Variants in PLPP1 observed in about 807,000 individuals in gnomAD.
PLPP1 encodes phospholipid phosphatase 1, also known as lipid phosphate phosphohydrolase 1a.
Under a neutral mutation model 31.2 loss-of-function variants are expected in PLPP1, and 24 were observed. The observed-to-expected ratio is 0.77, with a 90% confidence interval of 0.56 to 1.08. The LOEUF (loss-of-function observed/expected upper bound fraction) is 1.08, where lower values mean the gene tolerates loss of function less well. Among genes scored for constraint, PLPP1 ranks in the 50% least tolerant of loss-of-function variants. PLPP1 has a pLI of 0.00. For missense variants in PLPP1, 319 were observed against 342.7 expected (o/e 0.93, Z 0.55); for synonymous variants, 146 against 126.3 (o/e 1.16, Z -1.05).
At chr5:55,441,802 A>C (rs1204494432) in intron 4 of PLPP1, 49 bp downstream of exon 4, 1 of 1,559,416 alleles carries the variant, frequency 6.4e-7, no homozygotes, top group South Asian at 1.1e-5. Context: ...TGAGCACATT[A>C]ATTCCATGCA....
At chr5:55,426,360 TATA>T (rs1349919961) in intron 4 of PLPP1, among the ~76,000 whole-genome samples, 1 of 152,198 alleles carries the variant, frequency 6.6e-6, no homozygotes, top group Non-Finnish European at 1.5e-5. Context: ...CAATTTGGGT[TATA>T]ATTCTCATAG....
chr5:55,443,192 A>AAATATATATATATATATAT, intron 3 of PLPP1, among the ~76,000 whole-genome samples: 1 of 25,444 alleles, frequency 3.9e-5, no homozygotes, highest in Non-Finnish European at 8.6e-5. Context: ...AAAAAAAAAA[A>AAATATATATATATATATAT]ATATATATAT....
In PLPP1 at chr5:55,424,865, C is replaced by A. The variant is rs917420336; in HGVS notation, c.*341G>T. ...CCTGCAAGTGTGGATTTGGTTCTCC[C>A]ATACATTTTAATATGTATTATATTT... On this transcript the variant is annotated 3_prime_UTR_variant, in exon 6 of 6. Coordinates refer to ENST00000307259, the MANE Select transcript of PLPP1 (RefSeq NM_003711.4). The A allele has an allele frequency of 1.6e-4, 138 of 874,094 alleles. No homozygotes were observed. Among genetic ancestry groups the A allele is most frequent in the Middle Eastern group, 1.5e-3 (7 of 4,532 alleles). 54.1% of individuals were successfully genotyped at this position (874,094 alleles called of 1,614,324 possible).
At chr5:55,442,643 C>T (rs1315964796) in intron 3 of PLPP1, among the ~76,000 whole-genome samples, 10 of 94,488 alleles carry the variant, frequency 1.1e-4, no homozygotes, top group African/African-American at 3.6e-5. Context: ...CAGAGGGAGA[C>T]GCCATCTCAA....
chr5:55,529,280 T>TATAC (rs1740575741), intron 1 of PLPP1, among the ~76,000 whole-genome samples: 2 of 151,566 alleles, frequency 1.3e-5, no homozygotes, highest in Non-Finnish European at 1.5e-5. Context: ...TATATATATA[T>TATAC]ACATATACAT....
At chr5:55,480,946 T>A (rs1200104222) in intron 1 of PLPP1, among the ~76,000 whole-genome samples, 1 of 152,234 alleles carries the variant, frequency 6.6e-6, no homozygotes, top group Non-Finnish European at 1.5e-5. Context: ...TGACTCAGGT[T>A]CTCTGCATAG....
intron 2 of PLPP1, among the ~76,000 whole-genome samples, chr5:55,471,983 G>A (rs945733869): frequency 6.6e-6 from 1 of 152,002 alleles, no homozygotes; most frequent in Admixed American, 6.6e-5. Flanking sequence ...TTAGCCAGAT[G>A]TGGTGGTGCA....
At chr5:55,523,331 C>T (rs192346279) in intron 1 of PLPP1, among the ~76,000 whole-genome samples, 18 of 152,184 alleles carry the variant, frequency 1.2e-4, no homozygotes, top group African/African-American at 4.3e-4. Context: ...CTTATTCATT[C>T]TACCTATTTT....
chr5:55,429,529 G>A (rs979696056), intron 4 of PLPP1, among the ~76,000 whole-genome samples: 4 of 152,064 alleles, frequency 2.6e-5, no homozygotes, highest in Non-Finnish European at 4.4e-5. Context: ...TCCCAGCCAT[G>A]GAAGAAACCC....
chr5:55,468,252 C>CT, intron 2 of PLPP1, 103 bp from the exon 3 acceptor site: 2 of 1,093,096 alleles, frequency 1.8e-6, no homozygotes, highest in East Asian at 2.4e-5. Flanking sequence ...GCAAAAATAT[C>CT]TTTGTTTCAA....
At chr5:55,518,109 A>G (rs1440004890) in intron 1 of PLPP1, among the ~76,000 whole-genome samples, 1 of 152,180 alleles carries the variant, frequency 6.6e-6, no homozygotes, top group East Asian at 1.9e-4. Context: ...CTGGGATTAC[A>G]GTCATGGGCC....
chr5:55,472,656 AAGAG>A (rs1029979858), intron 2 of PLPP1, among the ~76,000 whole-genome samples: 1 of 35,862 alleles, frequency 2.8e-5, no homozygotes, highest in Middle Eastern at 0.018. Context: ...GAAAGAAAGA[AAGAG>A]AGAGAGAGAC....
intron 1 of PLPP1, among the ~76,000 whole-genome samples, chr5:55,492,698 A>G (rs551504031): frequency 6.6e-6 from 1 of 152,352 alleles, no homozygotes; most frequent in East Asian, 1.9e-4. Context: ...GCCAACATGT[A>G]TTGCATGCTT....
intron 1 of PLPP1, among the ~76,000 whole-genome samples, chr5:55,477,051 TA>T (rs1163805785): frequency 1.1e-4 from 1 of 9,226 alleles, no homozygotes; most frequent in Non-Finnish European, 2.9e-4. Context: ...AAAAAAAAAA[TA>T]ATAAACTAGA....
chr5:55,528,499 G>A (rs1163366507), intron 1 of PLPP1, among the ~76,000 whole-genome samples: 2 of 152,154 alleles, frequency 1.3e-5, no homozygotes, highest in Admixed American at 6.5e-5. Context: ...TACTGGCCAC[G>A]AAGCTAGCCT....
At position 55,482,096 on chromosome 5, in the gene PLPP1, ATATTATATTTAAG is replaced by A. The variant is rs1393183597; in HGVS notation, c.59-6659_59-6647del. Among the ~76,000 whole-genome samples the A allele has an allele frequency of 3.4e-5, 5 of 147,670 alleles. No individual in the cohort carries two copies. The East Asian group carries it at 9.7e-4, about 29-fold the overall frequency. On this transcript the variant is annotated intron_variant, in intron 1 of 5. Coordinates refer to ENST00000307259, the MANE Select transcript of PLPP1 (RefSeq NM_003711.4). ...AATATAATTATATATTTATATTTAA[ATATTATATTTAAG>A]TATTATATTTAAATTTTATATATTT...
intron 4 of PLPP1, among the ~76,000 whole-genome samples, chr5:55,434,956 GAGAC>G (rs1751458676): frequency 6.6e-6 from 1 of 152,182 alleles, no homozygotes; most frequent in African/African-American, 2.4e-5. Flanking sequence ...GGAGAATAAA[GAGAC>G]AGTCTGTTGA....
Position 55,475,758 on chromosome 5 carries a change from G to A in PLPP1, c.59-308C>T, listed in dbSNP as rs138130140. ...GGATTTTGGAAAAATCTCTTCTCAC[G>A]TTCTTGTTGTCATTTAATCACCAGG... On this transcript the variant is annotated intron_variant, in intron 1 of 5. Transcript: ENST00000307259. Among the ~76,000 whole-genome samples the A allele has an allele frequency of 9.1e-3, 1,392 of 152,206 alleles. 15 individuals carry two copies. Among genetic ancestry groups the A allele is most frequent in the Non-Finnish European group, 0.015 (995 of 67,996 alleles).
chr5:55,471,490 G>A (rs1026057527), intron 2 of PLPP1, among the ~76,000 whole-genome samples: 3 of 152,124 alleles, frequency 2.0e-5, no homozygotes, highest in African/African-American at 7.2e-5. Context: ...GTGAGCCACT[G>A]CACTCAGCCA....
Sources: allele counts gnomAD v4.1 joint callset (sites outside exome capture counted in the v4.1 genomes callset), GRCh38; gene constraint gnomAD v4.1.1; transcripts MANE v1.5; gene names NCBI Gene and HGNC (gene_info 2026-07-23, HGNC 2026-07-21).